The following NETO2 variants were observed in gnomAD, a reference collection of about 807,000 sequenced individuals.
NETO2 encodes neuropilin and tolloid like 2.
In NETO2, 28 loss-of-function variants were observed where a neutral mutation model predicts 62.5. The observed-to-expected ratio is 0.45, with a 90% confidence interval of 0.33 to 0.61. NETO2 has a LOEUF of 0.61. NETO2 is among the 20% of genes least tolerant of loss of function. NETO2 has a pLI of 0.02. For missense variants in NETO2, 548 were observed against 643.2 expected (o/e 0.85, Z 1.60); for synonymous variants, 214 against 219.1 (o/e 0.98, Z 0.21).
At chr16:47,117,679 C>G (rs1475730497) in intron 6 of NETO2, among the ~76,000 whole-genome samples, 1 of 152,080 alleles carries the variant, frequency 6.6e-6, no homozygotes, top group Non-Finnish European at 1.5e-5. Flanking sequence ...TCTTTTAGTT[C>G]TAAATTTTTC....
intron 6 of NETO2, among the ~76,000 whole-genome samples, chr16:47,118,211 G>T (rs1963960980): frequency 6.6e-6 from 1 of 152,150 alleles, no homozygotes; most frequent in African/African-American, 2.4e-5. Flanking sequence ...TTGGGTGGTG[G>T]TCCCAATGTT....
At chr16:47,128,998 T>C (rs1013782561) in intron 3 of NETO2, among the ~76,000 whole-genome samples, 6 of 152,236 alleles carry the variant, frequency 3.9e-5, no homozygotes, top group African/African-American at 9.6e-5. Flanking sequence ...TCATACATAC[T>C]AATGTACGTA....
At chr16:47,105,105 C>T (rs562927851) in intron 7 of NETO2, among the ~76,000 whole-genome samples, 1 of 151,766 alleles carries the variant, frequency 6.6e-6, no homozygotes, top group African/African-American at 2.4e-5. Context: ...GAACTCCTGC[C>T]TAGGCTGGTC....
At chr16:47,099,843 C>G (rs1469662753) in intron 7 of NETO2, among the ~76,000 whole-genome samples, 1 of 152,142 alleles carries the variant, frequency 6.6e-6, no homozygotes, top group African/African-American at 2.4e-5. Flanking sequence ...AGACTTAAGA[C>G]TCCCACACAA....
At chr16:47,103,582 A>G (rs1963603974) in intron 7 of NETO2, among the ~76,000 whole-genome samples, 1 of 152,158 alleles carries the variant, frequency 6.6e-6, no homozygotes, top group African/African-American at 2.4e-5. Context: ...AAAAAGATAC[A>G]CAAAAAAACC....
In NETO2 at chr16:47,128,473, T is replaced by A. The variant is rs1244668900; in HGVS notation, c.333A>T (p.Pro111=). The change falls in exon 4 of 9, where the codon CCA becomes CCT. Residue 111 remains proline (P), a synonymous_variant. Coordinates refer to ENST00000562435, the MANE Select transcript of NETO2 (RefSeq NM_018092.5). ...RFDHLEVRDG[P]FGFSPLIDRY... The stretch of plus-strand genomic sequence containing the variant: ...GATCTATAAGAGGAGAGAAACCAAA[T>A]GGCCCATCTCGAACTTCCAAGTGAT... 1 of 1,614,094 alleles carries A rather than the reference T, an allele frequency of 6.2e-7. No individual in the cohort carries two copies. The highest frequency in any genetic ancestry group is 1.3e-5 in the African/African-American group (1 of 75,058).
chr16:47,105,874 C>T (rs1057260458), intron 7 of NETO2, among the ~76,000 whole-genome samples: 6 of 152,142 alleles, frequency 3.9e-5, no homozygotes, highest in African/African-American at 7.2e-5. Context: ...CACTGCTGGT[C>T]GGTGTGTAAA....
chr16:47,125,199 AAAAAT>A (rs1415420141), intron 4 of NETO2, among the ~76,000 whole-genome samples: 4 of 152,232 alleles, frequency 2.6e-5, no homozygotes, highest in Admixed American at 2.0e-4. Context: ...TTTAGTTAAT[AAAAAT>A]AAAATAGCTG....
intron 1 of NETO2, among the ~76,000 whole-genome samples, chr16:47,134,122 G>A: frequency 6.6e-6 from 1 of 152,200 alleles, no homozygotes; most frequent in Non-Finnish European, 1.5e-5. Flanking sequence ...AGTGCAAGTG[G>A]TTGGTAGACA....
chr16:47,129,506 TA>T (rs1964222673), intron 2 of NETO2, 142 bp from the exon 3 acceptor site: 1 of 821,148 alleles, frequency 1.2e-6, no homozygotes. Context: ...TTTAGCACAA[TA>T]AATTGAGTAC....
At chr16:47,142,313 A>T (rs181418220) in intron 1 of NETO2, among the ~76,000 whole-genome samples, 1 of 152,372 alleles carries the variant, frequency 6.6e-6, no homozygotes, top group East Asian at 1.9e-4. Context: ...TTACCTTAGT[A>T]CAAGCTGTAG....
At chr16:47,118,938 T>A (rs1014080231) in intron 6 of NETO2, among the ~76,000 whole-genome samples, 6 of 152,150 alleles carry the variant, frequency 3.9e-5, no homozygotes, top group African/African-American at 7.2e-5. Context: ...TTTGTTTCAA[T>A]CAGTAAGTTC....
chr16:47,134,040 G>A (rs1596749365), intron 1 of NETO2, among the ~76,000 whole-genome samples: 1 of 152,166 alleles, frequency 6.6e-6, no homozygotes, highest in South Asian at 2.1e-4. Context: ...CTAATGACAT[G>A]GTTCAGGTGT....
intron 6 of NETO2, among the ~76,000 whole-genome samples, chr16:47,118,182 A>C (rs1963960082): frequency 6.6e-6 from 1 of 151,882 alleles, no homozygotes; most frequent in South Asian, 2.1e-4. Context: ...TTCGCACTGC[A>C]AATTCTGTCT....
rs151148972 is a variant in NETO2, at chr16:47,093,036, C to T, written c.884-6697G>A. 3.3e-5 allele frequency among the ~76,000 whole-genome samples: 5 copies of T among 152,316 alleles called. No individual in the cohort carries two copies. In the East Asian group the frequency reaches 9.6e-4, roughly 29 times the overall value. On this transcript the variant is annotated intron_variant, in intron 7 of 8. Coordinates refer to ENST00000562435, the MANE Select transcript of NETO2 (RefSeq NM_018092.5). ...AGACCTCCATGGCTTCCCGCTGTGA[C>T]TATGGAAGTAAACTCTTAACTCATA... is the stretch of plus-strand genomic sequence containing the variant.
rs1271353191 is a variant in NETO2, at chr16:47,143,774, A to G, written c.-162T>C. The G allele has an allele frequency of 1.0e-6, 1 of 1,001,048 alleles. No homozygotes were observed. The highest frequency in any genetic ancestry group is 1.3e-6 in the Non-Finnish European group (1 of 787,790). The allele number at this position is 1,001,048 out of a possible 1,614,324, so 62.0% of individuals were successfully genotyped here. On this transcript the variant is annotated 5_prime_UTR_variant, in exon 1 of 9. An upstream start codon of the reference 5' UTR is lost. Coordinates refer to ENST00000562435, the MANE Select transcript of NETO2 (RefSeq NM_018092.5). ...GAGAGCTCAGGTCCTGCGGCCCGCC[A>G]TGCCCGAGCCCCACAGTGGGCTCCC...
intron 6 of NETO2, among the ~76,000 whole-genome samples, chr16:47,112,427 C>T (rs183686736): frequency 2.0e-5 from 3 of 152,296 alleles, no homozygotes; most frequent in Non-Finnish European, 4.4e-5. Context: ...CGCGTGATCG[C>T]GGCTCTCACT....
chr16:47,094,652 T>C lies in NETO2; in HGVS notation c.884-8313A>G, dbSNP rs796283903. Among the ~76,000 whole-genome samples the C allele has an allele frequency of 6.8e-4, 104 of 152,082 alleles. 1 individual carries two copies. Among genetic ancestry groups the C allele is most frequent in the African/African-American group, 2.4e-3 (98 of 41,484 alleles). On this transcript the variant is annotated intron_variant, in intron 7 of 8. Coordinates refer to ENST00000562435, the MANE Select transcript of NETO2 (RefSeq NM_018092.5). Reference sequence around the variant, plus strand: ...GTGTTAGCCAGGATGGTCTCAATCTTGTTGACCTCATGATCTGCCCGCCTT... The same window carrying C: ...GTGTTAGCCAGGATGGTCTCAATCTCGTTGACCTCATGATCTGCCCGCCTT...
At chr16:47,096,810 G>C (rs1247522957) in intron 7 of NETO2, among the ~76,000 whole-genome samples, 1 of 152,194 alleles carries the variant, frequency 6.6e-6, no homozygotes. Flanking sequence ...GAAGGCAGGT[G>C]ATTTCTGCAT....
Sources: gnomAD v4.1 joint callset for allele counts (sites outside exome capture counted in the v4.1 genomes callset) on GRCh38, gnomAD v4.1.1 for gene constraint, MANE v1.5 for transcripts, NCBI Gene and HGNC (gene_info 2026-07-23, HGNC 2026-07-21) for gene names.